Variants in TMEM135 observed in about 807,000 individuals in gnomAD.
TMEM135 encodes transmembrane protein 135.
A neutral mutation model predicts 60.3 loss-of-function variants in TMEM135; 30 were observed. The ratio of observed to expected loss-of-function variants is 0.50; its 90% confidence interval spans 0.37 to 0.68. The LOEUF is 0.68. Among genes scored for constraint, TMEM135 ranks in the 30% least tolerant of loss-of-function variants. The pLI is 0.00. For missense variants in TMEM135, 468 were observed against 548.8 expected (o/e 0.85, Z 1.47); for synonymous variants, 190 against 186.7 (o/e 1.02, Z -0.14).
intron 5 of TMEM135, among the ~76,000 whole-genome samples, chr11:87,202,950 G>A (rs1414662444): frequency 6.7e-6 from 1 of 148,388 alleles, no homozygotes; most frequent in Non-Finnish European, 1.5e-5. Context: ...GGAGAATGGC[G>A]TGAACCCGGG....
intron 3 of TMEM135, among the ~76,000 whole-genome samples, chr11:87,083,898 A>C: frequency 6.6e-6 from 1 of 152,196 alleles, no homozygotes; most frequent in Non-Finnish European, 1.5e-5. Flanking sequence ...TACAATGTTT[A>C]GGAATTTTCA....
At chr11:87,258,899 G>T in intron 6 of TMEM135, 3 of 1,121,482 alleles carry the variant, frequency 2.7e-6, no homozygotes, top group Non-Finnish European at 4.1e-6. Flanking sequence ...CTTCCTGAGA[G>T]CCCTGTGTTA....
chr11:87,279,598 C>G (rs1942024375), intron 6 of TMEM135, among the ~76,000 whole-genome samples: 2 of 152,330 alleles, frequency 1.3e-5, no homozygotes, highest in South Asian at 4.1e-4. Context: ...TCGCTTTTAA[C>G]TCTACTGCCT....
chr11:87,318,764 C>G (rs1420612330), intron 13 of TMEM135, among the ~76,000 whole-genome samples: 1 of 151,894 alleles, frequency 6.6e-6, no homozygotes, highest in Non-Finnish European at 1.5e-5. Context: ...TCATAAAATG[C>G]TGCCAGCTTG....
intron 5 of TMEM135, among the ~76,000 whole-genome samples, chr11:87,190,738 T>TA (rs1939780107): frequency 3.3e-5 from 5 of 152,224 alleles, no homozygotes; most frequent in Non-Finnish European, 7.3e-5. Flanking sequence ...GATGTCTTCC[T>TA]GACTTTCTAT....
chr11:87,120,436 T>C (rs899127806), intron 4 of TMEM135, among the ~76,000 whole-genome samples: 23 of 151,256 alleles, frequency 1.5e-4, no homozygotes, highest in African/African-American at 5.3e-4. Context: ...GGGGATATAT[T>C]ACTTGTATAA....
intron 5 of TMEM135, among the ~76,000 whole-genome samples, chr11:87,219,730 A>G (rs1940577678): frequency 2.6e-5 from 4 of 152,188 alleles, no homozygotes. Flanking sequence ...GTTTTATAAC[A>G]TGAGGTAACT....
chr11:87,274,098 G>T (rs1941922995), intron 6 of TMEM135, among the ~76,000 whole-genome samples: 1 of 152,172 alleles, frequency 6.6e-6, no homozygotes, highest in Non-Finnish European at 1.5e-5. Context: ...AGAGTGGGTT[G>T]AGTGGGTAGA....
chr11:87,077,237 T>G (rs1201600474), intron 3 of TMEM135, among the ~76,000 whole-genome samples: 1 of 152,286 alleles, frequency 6.6e-6, no homozygotes, highest in Non-Finnish European at 1.5e-5. Flanking sequence ...TGATGCAATG[T>G]ATAACGTTTG....
At chr11:87,285,757 C>G (rs1171822946) in intron 6 of TMEM135, among the ~76,000 whole-genome samples, 1 of 152,234 alleles carries the variant, frequency 6.6e-6, no homozygotes, top group Non-Finnish European at 1.5e-5. Context: ...ACTGCTGACT[C>G]TGGCAGCTTG....
intron 6 of TMEM135, among the ~76,000 whole-genome samples, chr11:87,261,452 G>T (rs1045022018): frequency 6.6e-6 from 1 of 152,058 alleles, no homozygotes; most frequent in African/African-American, 2.4e-5. Flanking sequence ...AAAATTAGAA[G>T]TCTCCGTTTC....
chr11:87,194,057 G>A (rs1025584805), intron 5 of TMEM135, among the ~76,000 whole-genome samples: 1 of 151,912 alleles, frequency 6.6e-6, no homozygotes, highest in Non-Finnish European at 1.5e-5. Flanking sequence ...AAAATGTTTT[G>A]AATCAGTTAA....
At chr11:87,075,271 G>A (rs1057065804) in intron 3 of TMEM135, among the ~76,000 whole-genome samples, 4 of 151,858 alleles carry the variant, frequency 2.6e-5, no homozygotes, top group East Asian at 3.9e-4. Context: ...CCATTCTCTT[G>A]CCTCAGCCTG....
chr11:87,277,426 T>C, intron 6 of TMEM135: 1 of 188,232 alleles, frequency 5.3e-6, no homozygotes, highest in Admixed American at 6.2e-5. Flanking sequence ...CCACTGTGCC[T>C]GGCCCAAAAA....
intron 6 of TMEM135, among the ~76,000 whole-genome samples, chr11:87,283,474 G>C (rs1942105760): frequency 6.6e-6 from 1 of 152,174 alleles, no homozygotes; most frequent in Non-Finnish European, 1.5e-5. Flanking sequence ...ATTTTAGCCT[G>C]TTATAGTTTT....
chr11:87,151,088 T>C (rs1344309784), intron 4 of TMEM135, among the ~76,000 whole-genome samples: 2 of 152,126 alleles, frequency 1.3e-5, no homozygotes, highest in Non-Finnish European at 2.9e-5. Context: ...TCCTGTTTCT[T>C]TGTTTAATGA....
chr11:87,140,326 C>T (rs542866328), intron 4 of TMEM135, among the ~76,000 whole-genome samples: 1 of 152,150 alleles, frequency 6.6e-6, no homozygotes, highest in Non-Finnish European at 1.5e-5. Context: ...CATGGCCTCC[C>T]AAAGTGCTGG....
At position 87,322,131 on chromosome 11, in the gene TMEM135, T is replaced by C. The variant is rs532091547; in HGVS notation, c.*798T>C. 4 of 453,432 alleles carry C rather than the reference T, an allele frequency of 8.8e-6. No homozygotes were observed. Among genetic ancestry groups the C allele is most frequent in the South Asian group, 4.7e-5 (3 of 64,380 alleles). The allele number at this position is 453,432 out of a possible 1,614,324, so 28.1% of individuals were successfully genotyped here. A position where few individuals can be genotyped will look rare whatever the true frequency, so the allele number is the denominator to read the frequency against. On this transcript the variant is annotated 3_prime_UTR_variant, in exon 15 of 15. Coordinates refer to ENST00000305494, the MANE Select transcript of TMEM135 (RefSeq NM_022918.4). ...ACACTTGAATATTTAAAAACAAAAC[T>C]TTTAAACTTCCTATAGGTTTATGAT...
intron 5 of TMEM135, among the ~76,000 whole-genome samples, chr11:87,173,945 A>G (rs1939305465): frequency 6.6e-6 from 1 of 152,184 alleles, no homozygotes; most frequent in Non-Finnish European, 1.5e-5. Context: ...CTTGATGTGT[A>G]CTACTCAACC....
Sources: gnomAD v4.1 joint callset for allele counts (sites outside exome capture counted in the v4.1 genomes callset) on GRCh38, gnomAD v4.1.1 for gene constraint, MANE v1.5 for transcripts, NCBI Gene and HGNC (gene_info 2026-07-23, HGNC 2026-07-21) for gene names.